Variants in RO60 observed in about 807,000 individuals in gnomAD.
RO60 encodes Ro60, Y RNA binding protein, also known as RNA-binding protein RO60.
A neutral mutation model predicts 55.3 loss-of-function variants in RO60; 20 were observed. The ratio of observed to expected loss-of-function variants is 0.36; its 90% CI spans 0.25 to 0.53. The LOEUF (loss-of-function observed/expected upper bound fraction) is 0.53. Ranked by LOEUF, RO60 falls within the 20% of genes least tolerant of loss-of-function variation. The pLI is 0.92. For synonymous variants in RO60, 213 were observed against 213.6 expected (o/e 1.00, Z 0.02); for missense variants, 558 against 646.6 (o/e 0.86, Z 1.49).
intron 3 of RO60, 35 bp downstream of exon 3, chr1:193,076,075 C>T (rs751075745): frequency 6.9e-7 from 1 of 1,449,042 alleles, no homozygotes; most frequent in South Asian, 1.3e-5. Context: ...TGTGATTAAA[C>T]ATGAGTAATT....
In RO60 at chr1:193,059,831, G is replaced by A. The variant is rs1373393387; in HGVS notation, c.-22+55G>A. 1.5e-6 allele frequency: 2 copies of A among 1,358,398 alleles called. No individual in the cohort carries two copies. Among genetic ancestry groups the A allele is most frequent in the Non-Finnish European group, 2.0e-6 (2 of 1,018,054 alleles). 84.1% of individuals were successfully genotyped at this position (1,358,398 alleles called of 1,614,324 possible). A position where few individuals can be genotyped will look rare whatever the true frequency, so the allele number is the denominator to read the frequency against. On this transcript the variant is annotated intron_variant, in intron 1 of 8. Transcript: ENST00000400968. This position sits in a 1 kb window ranked among gnomAD's most constrained non-coding sequence, Gnocchi z 4.9. ...GCCTTTTGTGCGGCCCCAGGGACGC[G>A]CAAATTCTGACCAGTCCTCCATGTC...
rs1674388718 is a variant in RO60 at position 193,082,602 on chromosome 1, G to T, written c.1358G>T (p.Trp453Leu). ...GGTDCSLPMI[W>L]AQKTNTPADV... is the part of the protein sequence containing the mutation. The stretch of plus-strand genomic sequence containing the variant: ...ACTGATTGCTCTCTTCCAATGATCT[G>T]GGCTCAGAAGACAAACACACCTGCT... The change falls in exon 8 of 9, where the codon TGG becomes TTG. Residue 453 changes from tryptophan to leucine, a missense_variant. Trp to Leu is a moderately conservative substitution (Grantham distance 61, BLOSUM62 -2). Coordinates refer to ENST00000400968, the MANE Select transcript of RO60 (RefSeq NM_001173524.2). 6.2e-7 allele frequency: 1 copy of T among 1,613,896 alleles called. No individual in the cohort carries two copies.
In RO60 at chr1:193,059,737, G is replaced by A; in HGVS notation, c.-61G>A. ...CCCAGCGCTGCGCAGGACTTCTCCT[G>A]GCGGCGCTGCGGATCCAGGGGGTCG... On this transcript the variant is annotated 5_prime_UTR_variant, in exon 1 of 9. Transcript: ENST00000400968. This position sits in a 1 kb window ranked among gnomAD's most constrained non-coding sequence, Gnocchi z 4.9. 1 of 1,354,144 alleles carries A rather than the reference G, an allele frequency of 7.4e-7. No individual in the cohort carries two copies. The highest frequency in any genetic ancestry group is 9.8e-7 in the Non-Finnish European group (1 of 1,016,394). The allele number at this position is 1,354,144 out of a possible 1,614,324, so 83.9% of individuals were successfully genotyped here.
At chr1:193,081,563 T>G in intron 6 of RO60, 83 bp downstream of exon 6, 1 of 751,924 alleles carries the variant, frequency 1.3e-6, no homozygotes. Flanking sequence ...TGATTAAGAA[T>G]TATGTTTTCA....
At chr1:193,078,693 G>A (rs1674092140) in intron 5 of RO60, among the ~76,000 whole-genome samples, 1 of 152,032 alleles carries the variant, frequency 6.6e-6, no homozygotes, top group Non-Finnish European at 1.5e-5. Flanking sequence ...TATACACTGA[G>A]AACTACAAAA....
Position 193,069,029 on chromosome 1 carries a change from G to C in RO60, c.-21-5G>C. On this transcript the variant is annotated splice_polypyrimidine_tract_variant and splice_region_variant and intron_variant, in intron 1 of 8. Coordinates refer to ENST00000400968, the MANE Select transcript of RO60 (RefSeq NM_001173524.2). ...AGTTGTAATAACATTTTGCCTTTTT[G>C]TTAGGTTTCCTAAAGACAAAAAAAA... 1 of 1,576,846 alleles carries C rather than the reference G, an allele frequency of 6.3e-7. No individual in the cohort carries two copies. The highest frequency in any genetic ancestry group is 8.6e-7 in the Non-Finnish European group (1 of 1,161,714).
intron 8 of RO60, among the ~76,000 whole-genome samples, chr1:193,083,306 T>G (rs1033984102): frequency 6.6e-6 from 1 of 152,202 alleles, no homozygotes; most frequent in Non-Finnish European, 1.5e-5. Flanking sequence ...TAATTCAGTG[T>G]GCTCCTTGAA....
At chr1:193,082,996 A>G (rs182104131) in intron 8 of RO60, among the ~76,000 whole-genome samples, 1 of 152,202 alleles carries the variant, frequency 6.6e-6, no homozygotes, top group African/African-American at 2.4e-5. Flanking sequence ...GGCTCAAGCG[A>G]TTCTCCAGCC....
downstream of RO60, chr1:193,091,374 G>T (rs1285927149): frequency 3.3e-6 from 1 of 302,658 alleles, no homozygotes; most frequent in African/African-American, 2.2e-5. Flanking sequence ...ACTTTAAATT[G>T]TCAAGCTGGT....
intron 2 of RO60, 35 bp from the exon 3 acceptor site, chr1:193,075,785 C>T: frequency 6.7e-7 from 1 of 1,481,904 alleles, no homozygotes; most frequent in Non-Finnish European, 9.2e-7. Flanking sequence ...ACTTGGTAAT[C>T]CTGCATGCTT....
Position 193,059,619 on chromosome 1 carries a change from C to G in RO60, c.-179C>G. The stretch of plus-strand genomic sequence containing the variant: ...CAAAAGAAGAGGGGCAGGACTCGTT[C>G]CCGGGAACCGAACCTGGAATCCCCG... On this transcript the variant is annotated 5_prime_UTR_variant, in exon 1 of 9. Coordinates refer to ENST00000400968, the MANE Select transcript of RO60 (RefSeq NM_001173524.2). The surrounding 1 kb of genome is among the most constrained non-coding windows in gnomAD (Gnocchi z 4.9). 4 of 1,415,892 alleles carry G rather than the reference C, an allele frequency of 2.8e-6. No individual in the cohort carries two copies. The highest frequency in any genetic ancestry group is 3.8e-6 in the Non-Finnish European group (4 of 1,055,770). The allele number at this position is 1,415,892 out of a possible 1,614,324, so 87.7% of individuals were successfully genotyped here. A position where few individuals can be genotyped will look rare whatever the true frequency, so the allele number is the denominator to read the frequency against.
chr1:193,074,430 T>C (rs1371621878), intron 2 of RO60, among the ~76,000 whole-genome samples: 1 of 152,230 alleles, frequency 6.6e-6, no homozygotes, highest in Non-Finnish European at 1.5e-5. Context: ...ATCGTCATTC[T>C]AACTGATGTG....
intron 7 of RO60, 100 bp downstream of exon 7, chr1:193,082,399 A>C (rs1674374725): frequency 2.2e-6 from 3 of 1,350,794 alleles, no homozygotes; most frequent in Non-Finnish European, 3.1e-6. Context: ...GTGAGAACAA[A>C]ATTTTTTTTG....
At chr1:193,079,924 C>G (rs534759945) in intron 5 of RO60, among the ~76,000 whole-genome samples, 5 of 148,324 alleles carry the variant, frequency 3.4e-5, no homozygotes, top group African/African-American at 1.0e-4. Context: ...GTCAGGAGTT[C>G]GAGACCAGCC....
chr1:193,060,124 G>C (rs1405236574), intron 1 of RO60: 2 of 1,199,728 alleles, frequency 1.7e-6, no homozygotes, highest in Non-Finnish European at 2.1e-6. Flanking sequence ...CGGCTTCTGC[G>C]CGGAGAGGCG....
rs1672214293 is a variant in RO60 at position 193,059,651 on chromosome 1, G to T, written c.-147G>T. ...ACCGAACCTGGAATCCCCGGCGGCA[G>T]TGGGGCTGTTGCTGTTGCTGTGGCT... On this transcript the variant is annotated 5_prime_UTR_variant, in exon 1 of 9. Coordinates refer to ENST00000400968, the MANE Select transcript of RO60 (RefSeq NM_001173524.2). This position sits in a 1 kb window ranked among gnomAD's most constrained non-coding sequence, Gnocchi z 4.9. 7.2e-7 allele frequency: 1 copy of T among 1,386,220 alleles called. No homozygotes were observed. Among genetic ancestry groups the T allele is most frequent in the East Asian group, 4.2e-5 (1 of 23,570 alleles). The allele number at this position is 1,386,220 out of a possible 1,614,324, so 85.9% of individuals were successfully genotyped here. A position where few individuals can be genotyped will look rare whatever the true frequency, so the allele number is the denominator to read the frequency against.
intron 3 of RO60, among the ~76,000 whole-genome samples, 153 bp downstream of exon 3, chr1:193,076,193 C>T (rs1426351418): frequency 6.6e-6 from 1 of 151,764 alleles, no homozygotes; most frequent in African/African-American, 2.4e-5. Flanking sequence ...AAACACCTAC[C>T]ATGATGTCCA....
chr1:193,062,811 T>C (rs1199515491), intron 1 of RO60, among the ~76,000 whole-genome samples: 1 of 152,254 alleles, frequency 6.6e-6, no homozygotes, highest in African/African-American at 2.4e-5. Flanking sequence ...CTGGCTTCTT[T>C]GACTTGGCAT....
intron 1 of RO60, among the ~76,000 whole-genome samples, chr1:193,066,872 C>A (rs929372710): frequency 2.6e-5 from 4 of 152,172 alleles, no homozygotes; most frequent in Non-Finnish European, 4.4e-5. Flanking sequence ...TCAGAAACCT[C>A]TTCCTGGAGC....
Sources: allele counts gnomAD v4.1 joint callset (sites outside exome capture counted in the v4.1 genomes callset), GRCh38; gene constraint gnomAD v4.1.1; non-coding constraint Gnocchi (gnomAD v3.1); transcripts MANE v1.5; gene names NCBI Gene and HGNC (gene_info 2026-07-23, HGNC 2026-07-21).